Variants in ARL13B observed in about 807,000 individuals in gnomAD.
ARL13B encodes the protein ADP-ribosylation factor-like protein 13B.
Under a neutral mutation model 56.1 loss-of-function variants are expected in ARL13B, and 36 were observed. The observed-to-expected ratio is 0.64, with a 90% CI of 0.49 to 0.85. ARL13B has a LOEUF of 0.85. Ranked by LOEUF, ARL13B falls within the 40% of genes least tolerant of loss-of-function variation. The pLI is 0.00. For missense variants in ARL13B, 519 were observed against 507.1 expected (o/e 1.02, Z -0.23); for synonymous variants, 178 against 171.1 (o/e 1.04, Z -0.32).
At chr3:94,029,334 ATT>A (rs71105171) in intron 3 of ARL13B, among the ~76,000 whole-genome samples, 211 of 53,378 alleles carry the variant, frequency 4.0e-3, no homozygotes, top group Non-Finnish European at 5.2e-3. Flanking sequence ...ATATATATAT[ATT>A]TATTTTTTTT....
At position 94,036,654 on chromosome 3, in the gene ARL13B, T is replaced by C; in HGVS notation, c.589T>C (p.Leu197=). ...TGTTATTGCAAGAGACTTTGATGCC[T>C]TAAATGAACGCATCCAAAAAGAGAC... ...LHVIARDFDA[L]NERIQKETTE... The change falls in exon 5 of 10, where the codon TTA becomes CTA. Residue 197 remains leucine, a synonymous_variant. Transcript: ENST00000394222. 1.2e-6 allele frequency: 2 copies of C among 1,614,100 alleles called. No homozygotes were observed. Among genetic ancestry groups the C allele is most frequent in the South Asian group, 2.2e-5 (2 of 91,074 alleles).
chr3:93,990,532 A>G (rs777991416), intron 1 of ARL13B, among the ~76,000 whole-genome samples: 49 of 152,184 alleles, frequency 3.2e-4, no homozygotes, highest in Non-Finnish European at 6.3e-4. Context: ...TTTTGATTGC[A>G]GCCTGTCACA....
At position 94,036,741 on chromosome 3, in the gene ARL13B, T is replaced by C. The variant is rs1361239842; in HGVS notation, c.676T>C (p.Leu226=). The C allele has an allele frequency of 6.2e-7, 1 of 1,611,140 alleles. No individual in the cohort carries two copies. The highest frequency in any genetic ancestry group is 1.7e-5 in the Admixed American group (1 of 59,908). The change falls in exon 5 of 10, where the codon TTA becomes CTA. Residue 226 remains leucine, a synonymous_variant. Transcript: ENST00000394222. ...AGAAAGAGCTGAACGAGTGCGAAAA[T>C]TACGAGAAGAAAGGTAAGTAGATTA... ...KQERAERVRK[L]REERKQNEQE...
intron 1 of ARL13B, among the ~76,000 whole-genome samples, chr3:93,995,327 T>G (rs1263790750): frequency 2.0e-5 from 3 of 152,128 alleles, no homozygotes; most frequent in African/African-American, 7.2e-5. Flanking sequence ...AGGTGTTTTT[T>G]TTTTCCCCCT....
At chr3:94,005,571 A>G (rs1156609617) in intron 3 of ARL13B, among the ~76,000 whole-genome samples, 2 of 152,256 alleles carry the variant, frequency 1.3e-5, no homozygotes, top group Admixed American at 1.3e-4. Flanking sequence ...TGAATAGAAA[A>G]GAAAATACAG....
intron 3 of ARL13B, chr3:94,014,892 A>C: frequency 6.2e-7 from 1 of 1,613,736 alleles, no homozygotes; most frequent in Admixed American, 1.7e-5. Context: ...TGACCACTGA[A>C]GATGGACCAT....
chr3:94,030,046 A>G (rs922186794), intron 3 of ARL13B, among the ~76,000 whole-genome samples: 1 of 152,186 alleles, frequency 6.6e-6, no homozygotes, highest in Non-Finnish European at 1.5e-5. Flanking sequence ...GGTCCTTGAA[A>G]TACCATTTTC....
chr3:94,043,237 T>G lies in ARL13B; in HGVS notation c.1021T>G (p.Ser341Ala), dbSNP rs2076895067. 8 of 1,611,482 alleles carry G rather than the reference T, an allele frequency of 5.0e-6. No homozygotes were observed. Among genetic ancestry groups the G allele is most frequent in the Non-Finnish European group, 6.8e-6 (8 of 1,178,356 alleles). The change falls in exon 7 of 10, where the codon TCA (serine) becomes GCA (alanine). Residue 341 changes from serine (S) to alanine (A), a missense_variant. Physicochemically the swap from Ser to Ala is moderately conservative, Grantham distance 99. Transcript: ENST00000394222. ...EDETDRPSLE[S>A]ANGKKKTKKL... ...TGAGACAGACCGGCCATCATTGGAATCAGGTAATAAATCTAGTTATTTAAA... is the reference window on the plus strand; with the variant it reads ...TGAGACAGACCGGCCATCATTGGAAGCAGGTAATAAATCTAGTTATTTAAA...
chr3:94,013,778 C>T (rs1205354857), intron 3 of ARL13B, among the ~76,000 whole-genome samples: 2 of 152,152 alleles, frequency 1.3e-5, no homozygotes, highest in Non-Finnish European at 2.9e-5. Context: ...AAACCACCCC[C>T]TCTACTAAAA....
At chr3:94,014,761 A>T (rs2076292824) in intron 3 of ARL13B, 3 of 1,613,628 alleles carry the variant, frequency 1.9e-6, no homozygotes, top group Non-Finnish European at 2.5e-6. Context: ...AGCAACTTCA[A>T]GCTGACGTAA....
intron 5 of ARL13B, among the ~76,000 whole-genome samples, chr3:94,037,472 T>G (rs1179598877): frequency 6.6e-6 from 1 of 152,160 alleles, no homozygotes; most frequent in African/African-American, 2.4e-5. Flanking sequence ...TCAATAGGAC[T>G]TAAAGAAATA....
chr3:94,014,429 T>C (rs1465184139), intron 3 of ARL13B: 31 of 1,586,846 alleles, frequency 2.0e-5, no homozygotes, highest in Non-Finnish European at 2.4e-5. Context: ...CACAGTACTC[T>C]GCAAGGATTT....
chr3:93,986,328 A>G (rs1177551711), intron 1 of ARL13B, among the ~76,000 whole-genome samples: 1 of 152,220 alleles, frequency 6.6e-6, no homozygotes, highest in Non-Finnish European at 1.5e-5. Context: ...GTAAATTTAG[A>G]TAATGATTTT....
chr3:93,994,883 C>T (rs547710464), intron 1 of ARL13B, among the ~76,000 whole-genome samples: 7 of 151,872 alleles, frequency 4.6e-5, no homozygotes, highest in East Asian at 1.9e-4. Context: ...ACACCCTTTA[C>T]GGCCATTTAA....
chr3:93,994,539 A>G (rs2075932917), intron 1 of ARL13B, among the ~76,000 whole-genome samples: 1 of 152,144 alleles, frequency 6.6e-6, no homozygotes, highest in African/African-American at 2.4e-5. Context: ...TGTAAGCTTA[A>G]TAAGGAAGAG....
intron 3 of ARL13B, among the ~76,000 whole-genome samples, chr3:94,007,249 A>G (rs538812146): frequency 8.5e-5 from 13 of 152,356 alleles, no homozygotes; most frequent in South Asian, 8.3e-4. Flanking sequence ...AAACTTTTCT[A>G]TAATCACAAA....
At chr3:93,982,695 A>G (rs1435832665) in intron 1 of ARL13B, among the ~76,000 whole-genome samples, 1 of 152,186 alleles carries the variant, frequency 6.6e-6, no homozygotes, top group South Asian at 2.1e-4. Context: ...AAACATCTCA[A>G]TTTGGATAAC....
chr3:94,030,064 G>A (rs1419366852), intron 3 of ARL13B, among the ~76,000 whole-genome samples: 1 of 151,904 alleles, frequency 6.6e-6, no homozygotes, highest in South Asian at 2.1e-4. Context: ...TTCTCCATAC[G>A]CTTGTTTATA....
chr3:94,051,262 C>T (rs1489653144), intron 9 of ARL13B, among the ~76,000 whole-genome samples: 2 of 152,078 alleles, frequency 1.3e-5, no homozygotes, highest in Non-Finnish European at 2.9e-5. Context: ...TGTATATGCT[C>T]AATATACTCA....
Sources: gnomAD v4.1 joint callset for allele counts (sites outside exome capture counted in the v4.1 genomes callset) on GRCh38, gnomAD v4.1.1 for gene constraint, MANE v1.5 for transcripts, NCBI Gene and HGNC (gene_info 2026-07-23, HGNC 2026-07-21) for gene names.